TTN: variants seen among roughly 807,000 people sequenced by gnomAD.
TTN encodes connectin.
In TTN, 1,525 loss-of-function variants were observed where a neutral mutation model predicts 3,223.0. That is an observed-to-expected ratio of 0.47 (90% CI 0.45 to 0.49). The LOEUF (loss-of-function observed/expected upper bound fraction) is 0.49. Among genes scored for constraint, TTN ranks in the 20% least tolerant of loss-of-function variants. The pLI, the probability that TTN is intolerant of heterozygous loss-of-function variation, is 0.00. For synonymous variants in TTN, 14,094 were observed against 15,161.0 expected (o/e 0.93, Z 5.17); for missense variants, 40,786 against 43,424.0 (o/e 0.94, Z 5.40).
chr2:178,793,636 T>C, intron 8 of TTN, 95 bp from the exon 9 acceptor site: 1 of 1,562,912 alleles, frequency 6.4e-7, no homozygotes, highest in Non-Finnish European at 8.7e-7. Flanking sequence ...AATCCTCTAC[T>C]AAAAAATACA....
rs752358139 is a variant in TTN, at chr2:178,692,001, T to C, written c.31762+15A>G. 2.3e-5 allele frequency: 37 copies of C among 1,605,404 alleles called. No homozygotes were observed. The highest frequency in any genetic ancestry group is 6.7e-5 in the African/African-American group (5 of 74,350). The stretch of plus-strand genomic sequence containing the variant: ...CTTGGAGCAAAGAGTCTCCCCATCA[T>C]TGGCTCTGGCGTACCTTTTGGGGGA... On this transcript the variant is annotated intron_variant, in intron 121 of 362. Transcript: ENST00000589042.
In TTN at chr2:178,552,680, CACCTTT is replaced by C. The variant is rs1699898509; in HGVS notation, c.90214_90219del (p.Lys30072_Gly30073del). 6.2e-7 allele frequency: 1 copy of C among 1,613,824 alleles called. No homozygotes were observed. The highest frequency in any genetic ancestry group is 1.3e-5 in the African/African-American group (1 of 74,938). On this transcript the variant is annotated inframe_deletion, in exon 335 of 363. Transcript: ENST00000589042. Reference sequence around the variant, plus strand: ...ATGCCAGCGTGGGACCACGTCTGTTCACCTTTACCTTTCCTTTCTACAACATATTCT... The same window carrying C: ...ATGCCAGCGTGGGACCACGTCTGTTCACCTTTCCTTTCTACAACATATTCT...
Position 178,727,568 on chromosome 2 carries a change from G to T in TTN, c.19993+17C>A, listed in dbSNP as rs2079575853. The T allele has an allele frequency of 1.9e-6, 3 of 1,544,338 alleles. No homozygotes were observed. The East Asian group carries it at 6.8e-5, about 35-fold the overall frequency. On this transcript the variant is annotated intron_variant, in intron 68 of 362. Transcript: ENST00000589042. ...GACACAGTCAGACAGAAACATAAAGGAATCAAATTTGCACACCTGTCACAA... is the reference window on the plus strand; with the variant it reads ...GACACAGTCAGACAGAAACATAAAGTAATCAAATTTGCACACCTGTCACAA...
In TTN at chr2:178,735,877, G is replaced by T; in HGVS notation, c.14569C>A (p.Leu4857Ile). 2 of 1,613,884 alleles carry T rather than the reference G, an allele frequency of 1.2e-6. No homozygotes were observed. Among genetic ancestry groups the T allele is most frequent in the Non-Finnish European group, 1.7e-6 (2 of 1,179,822 alleles). Reference sequence around the variant, plus strand: ...TAAACTCCTCTATCTTGAATGGTAAGGTTTGAGAGTTCTAAAATGTGTTTG... The same window carrying T: ...TAAACTCCTCTATCTTGAATGGTAATGTTTGAGAGTTCTAAAATGTGTTTG... ...ENKHILELSN[L>I]TIQDRGVYSC... Residue 4857 changes from leucine (L) to isoleucine (I), a missense_variant, in exon 50 of 363, where the codon CTT (leucine) becomes ATT (isoleucine). By Grantham distance (5) the Leu-to-Ile change is conservative. Coordinates refer to ENST00000589042, the MANE Select transcript of TTN (RefSeq NM_001267550.2).
chr2:178,682,945 A>G, intron 134 of TTN, 42 bp from the exon 135 acceptor site: 1 of 1,492,520 alleles, frequency 6.7e-7, no homozygotes, highest in Non-Finnish European at 9.1e-7. Flanking sequence ...ACTTTAAAGC[A>G]CTTTTAAGGA....
In TTN at chr2:178,576,217, A is replaced by G. The variant is rs376486631; in HGVS notation, c.69915T>C (p.Asp23305=). 1.2e-6 allele frequency: 2 copies of G among 1,612,962 alleles called. No individual in the cohort carries two copies. The highest frequency in any genetic ancestry group is 2.7e-5 in the African/African-American group (2 of 74,864). The stretch of plus-strand genomic sequence containing the variant: ...AGTTGTATTTTTCTTTAGTCTGAAG[A>G]TCAGGAACAACGAACTGAGTGATTC... ...ALRITQFVVP[D]LQTKEKYNFR... The change falls in exon 326 of 363, where the codon GAT becomes GAC. Residue 23305 remains aspartate (D), a synonymous_variant. Coordinates refer to ENST00000589042, the MANE Select transcript of TTN (RefSeq NM_001267550.2). The surrounding 1 kb of genome is among the most constrained non-coding windows in gnomAD (Gnocchi z 4.3).
chr2:178,614,315 G>C lies in TTN; in HGVS notation c.49082C>G (p.Thr16361Arg), dbSNP rs2056892277. 6.2e-7 allele frequency: 1 copy of C among 1,612,676 alleles called. No homozygotes were observed. The highest frequency in any genetic ancestry group is 8.5e-7 in the Non-Finnish European group (1 of 1,179,248). ...AAGACATGACTCATTGGTTACATCT[G>C]TGATGTCAAAGGCAGCTGGTGGTCC... ...KPGPPAAFDI[T>R]DVTNESCLLT... The change falls in exon 262 of 363, where the codon ACA (threonine) becomes AGA (arginine). Residue 16361 changes from threonine (T) to arginine (R), a missense_variant. Transcript: ENST00000589042.
At chr2:178,800,739 A>G in intron 3 of TTN, 57 bp from the exon 4 acceptor site, 1 of 1,520,814 alleles carries the variant, frequency 6.6e-7, no homozygotes. Context: ...CCTACAAGGT[A>G]TTTTTAAATA....
rs879167134 is a variant in TTN at position 178,740,499 on chromosome 2, T to C, written c.12734A>G (p.Asn4245Ser). The C allele has an allele frequency of 1.2e-6, 2 of 1,613,768 alleles. No homozygotes were observed. The highest frequency in any genetic ancestry group is 1.7e-6 in the Non-Finnish European group (2 of 1,179,806). The change falls in exon 48 of 363, where the codon AAC (asparagine) becomes AGC (serine). Residue 4245 changes from asparagine (N) to serine (S), a missense_variant. Coordinates refer to ENST00000589042, the MANE Select transcript of TTN (RefSeq NM_001267550.2). Reference protein sequence around the residue: ...SPKEKTVSDTNREQRVTLQKQ... With the variant: ...SPKEKTVSDTSREQRVTLQKQ... ...TTGAAGAGTCACTCTTTGCTCTCTG[T>C]TGGTGTCAGATACTGTCTTTTCTTT... is the stretch of plus-strand genomic sequence containing the variant.
At chr2:178,639,898 G>T in intron 222 of TTN, 110 bp from the exon 223 acceptor site, 1 of 1,425,912 alleles carries the variant, frequency 7.0e-7, no homozygotes, top group Non-Finnish European at 9.6e-7. Flanking sequence ...CAAATAACTA[G>T]TTTTTAAGAG....
Position 178,728,941 on chromosome 2 carries a change from G to T in TTN, c.19097C>A (p.Ala6366Asp). Reference sequence around the variant, plus strand: ...CCTCTCAACTCCTGACTCATTCTTGGCTTGACAGGTATATCTCCCACTGTG... The same window carrying T: ...CCTCTCAACTCCTGACTCATTCTTGTCTTGACAGGTATATCTCCCACTGTG... ...NGHSGRYTCQAKNESGVERCY... is the reference protein window; with the variant it reads ...NGHSGRYTCQDKNESGVERCY... Residue 6366 changes from alanine (A) to aspartate (D), a missense_variant, in exon 65 of 363, where the codon GCC (alanine) becomes GAC (aspartate). Ala to Asp is a moderately radical substitution (Grantham distance 126). Coordinates refer to ENST00000589042, the MANE Select transcript of TTN (RefSeq NM_001267550.2). 1 of 1,611,924 alleles carries T rather than the reference G, an allele frequency of 6.2e-7. No homozygotes were observed.
Position 178,630,305 on chromosome 2 carries a change from G to A in TTN, c.44217C>T (p.Asp14739=). 1.2e-6 allele frequency: 2 copies of A among 1,613,072 alleles called. No homozygotes were observed. The highest frequency in any genetic ancestry group is 1.7e-6 in the Non-Finnish European group (2 of 1,179,432). Residue 14739 remains aspartate, a synonymous_variant, in exon 239 of 363, where the codon GAC becomes GAT. Coordinates refer to ENST00000589042, the MANE Select transcript of TTN (RefSeq NM_001267550.2). ...HSLVLHNCRL[D]QTGGVDFQAA... Reference sequence around the variant, plus strand: ...CTTGGAAATCCACCCCACCCGTCTGGTCCAGGCGACAGTTGTGCAAAACAA... The same window carrying A: ...CTTGGAAATCCACCCCACCCGTCTGATCCAGGCGACAGTTGTGCAAAACAA...
chr2:178,614,542 A>G lies in TTN; in HGVS notation c.48972T>C (p.Ser16324=), dbSNP rs878973016. ...CCTCAATGATATATGTGCCAGTGTC[A>G]CTTCTCTTACTATCAACAATAGTCA... The part of the protein sequence containing the change: ...STVTIVDSKR[S]DTGTYIIEAV... Residue 16324 remains serine, a synonymous_variant, in exon 261 of 363, where the codon AGT becomes AGC. Coordinates refer to ENST00000589042, the MANE Select transcript of TTN (RefSeq NM_001267550.2). 1.9e-6 allele frequency: 3 copies of G among 1,612,278 alleles called. No individual in the cohort carries two copies. The highest frequency in any genetic ancestry group is 2.5e-6 in the Non-Finnish European group (3 of 1,179,164).
Position 178,607,828 on chromosome 2 carries a change from T to A in TTN, c.52959A>T (p.Gly17653=), listed in dbSNP as rs1312206980. The change falls in exon 276 of 363, where the codon GGA becomes GGT. Residue 17653 remains glycine, a synonymous_variant. Coordinates refer to ENST00000589042, the MANE Select transcript of TTN (RefSeq NM_001267550.2). ...TAACAGGTTGTGTTTCTCCAGGCGG[T>A]CCTTCCCCTGCGGCATTGACAGCAC... ...RVSAVNAAGE[G]PPGETQPVTV... is the part of the protein sequence containing the mutation. 1.2e-6 allele frequency: 2 copies of A among 1,612,890 alleles called. No individual in the cohort carries two copies. Among genetic ancestry groups the A allele is most frequent in the Non-Finnish European group, 1.7e-6 (2 of 1,179,340 alleles).
intron 307 of TTN, 70 bp downstream of exon 307, chr2:178,587,048 G>T: frequency 6.4e-7 from 1 of 1,558,392 alleles, no homozygotes; most frequent in Non-Finnish European, 8.8e-7. Flanking sequence ...GGATTAAAAT[G>T]GTATTAGTAT....
Position 178,802,134 on chromosome 2 carries a change from C to T in TTN, c.295+4G>A. ...AGAGGATTGGCAGGTCCCCAGCAGCCTACCTTTCACGAGAAGCTCAGCAGT... is the reference window on the plus strand; with the variant it reads ...AGAGGATTGGCAGGTCCCCAGCAGCTTACCTTTCACGAGAAGCTCAGCAGT... On this transcript the variant is annotated splice_donor_region_variant and intron_variant, in intron 3 of 362. Coordinates refer to ENST00000589042, the MANE Select transcript of TTN (RefSeq NM_001267550.2). 6.2e-7 allele frequency: 1 copy of T among 1,614,046 alleles called. No homozygotes were observed. The highest frequency in any genetic ancestry group is 8.5e-7 in the Non-Finnish European group (1 of 1,179,998).
rs761372671 is a variant in TTN, at chr2:178,532,143, A to G, written c.104472T>C (p.His34824=). 4 of 1,613,810 alleles carry G rather than the reference A, an allele frequency of 2.5e-6. No homozygotes were observed. Among genetic ancestry groups the G allele is most frequent in the East Asian group, 2.2e-5 (1 of 44,888 alleles). The change falls in exon 358 of 363, where the codon CAT becomes CAC. Residue 34824 remains histidine (H), a synonymous_variant. Coordinates refer to ENST00000589042, the MANE Select transcript of TTN (RefSeq NM_001267550.2). Reference sequence around the variant, plus strand: ...CAGATGAGGATGATTCTCTTTGAGCATGTTTTGAGATTTCGTATTCTTCCT... The same window carrying G: ...CAGATGAGGATGATTCTCTTTGAGCGTGTTTTGAGATTTCGTATTCTTCCT... ...EIEEEYEISK[H]AQRESSSSAS... is the part of the protein sequence containing the mutation.
At chr2:178,559,001 A>G (rs1306189663) in intron 326 of TTN, 2 of 300,864 alleles carry the variant, frequency 6.6e-6, no homozygotes, top group Non-Finnish European at 1.2e-5. Context: ...TCATACACAC[A>G]TACTATATAT....
At position 178,753,128 on chromosome 2, in the gene TTN, C is replaced by A; in HGVS notation, c.11307G>T (p.Met3769Ile). 6 of 1,609,082 alleles carry A rather than the reference C, an allele frequency of 3.7e-6. No individual in the cohort carries two copies. The highest frequency in any genetic ancestry group is 3.4e-6 in the Non-Finnish European group (4 of 1,177,026). The change falls in exon 47 of 363, where the codon ATG becomes ATT. Residue 3769 changes from methionine to isoleucine, a missense_variant. Physicochemically the swap from Met to Ile is conservative, Grantham distance 10. Coordinates refer to ENST00000589042, the MANE Select transcript of TTN (RefSeq NM_001267550.2). ...TCACATCCATTATAACAATACCTTT[C>A]ATTTCCATCTCAATCTCTTGTTCAA... ...ERIEQEIEME[M>I]KEFSSSFLSA...
Sources: gnomAD v4.1 joint callset for allele counts on GRCh38, gnomAD v4.1.1 for gene constraint, Gnocchi (gnomAD v3.1) non-coding constraint, MANE v1.5 for transcripts, NCBI Gene and HGNC (gene_info 2026-07-23, HGNC 2026-07-21) for gene names.